Variants in PLPPR1 observed in about 807,000 individuals in gnomAD.
PLPPR1 encodes the protein phospholipid phosphatase related 1.
In PLPPR1, 10 loss-of-function variants were observed where a neutral mutation model predicts 33.1. The observed-to-expected ratio is 0.30, with a 90% confidence interval of 0.19 to 0.51. PLPPR1 has a LOEUF of 0.51. Among genes scored for constraint, PLPPR1 ranks in the 20% least tolerant of loss-of-function variants. The pLI, the probability that PLPPR1 is intolerant of heterozygous loss-of-function variation, is 0.97. For synonymous variants in PLPPR1, 151 were observed against 151.0 expected, an observed-to-expected ratio of 1.00 and a Z score of 0.00; for missense variants, 304 against 408.1, an observed-to-expected ratio of 0.74 and a Z score of 2.20.
At chr9:101,259,639 G>A (rs1827861244) in intron 2 of PLPPR1, among the ~76,000 whole-genome samples, 2 of 152,150 alleles carry the variant, frequency 1.3e-5, no homozygotes, top group East Asian at 3.9e-4. Context: ...CTATGATATA[G>A]CCTGAGGAGG....
chr9:101,187,751 G>A (rs1826228277), intron 2 of PLPPR1: 1 of 151,764 alleles, frequency 6.6e-6, no homozygotes, highest in Non-Finnish European at 1.5e-5. Context: ...AATTATGAAA[G>A]AATTTAATCA....
At chr9:101,250,876 A>T (rs1337914405) in intron 2 of PLPPR1, among the ~76,000 whole-genome samples, 1 of 151,990 alleles carries the variant, frequency 6.6e-6, no homozygotes, top group Non-Finnish European at 1.5e-5. Flanking sequence ...CACCTCCCCT[A>T]TTCTTTGGAG....
chr9:101,310,103 T>C (rs753873216), intron 5 of PLPPR1, among the ~76,000 whole-genome samples: 1 of 152,194 alleles, frequency 6.6e-6, no homozygotes, highest in Admixed American at 6.5e-5. Context: ...CTTTTTGTTC[T>C]AGTAACAGAA....
intron 1 of PLPPR1, among the ~76,000 whole-genome samples, chr9:101,085,064 A>G (rs973752890): frequency 6.6e-6 from 1 of 152,202 alleles, no homozygotes; most frequent in Non-Finnish European, 1.5e-5. Flanking sequence ...AATAAAACAC[A>G]GTTTCTGTAC....
chr9:101,197,137 C>G (rs146505343), intron 2 of PLPPR1, among the ~76,000 whole-genome samples: 239 of 152,282 alleles, frequency 1.6e-3, no homozygotes, highest in African/African-American at 5.5e-3. Flanking sequence ...GAAGCAGTCT[C>G]TTGCCTTGTT....
intron 1 of PLPPR1, among the ~76,000 whole-genome samples, chr9:101,167,667 T>C (rs546364042): frequency 6.6e-6 from 1 of 152,202 alleles, no homozygotes; most frequent in East Asian, 1.9e-4. Context: ...AAGGGCACTT[T>C]GGTCCCTCTG....
intron 1 of PLPPR1, among the ~76,000 whole-genome samples, chr9:101,053,009 A>G (rs1214684120): frequency 6.6e-6 from 1 of 152,218 alleles, no homozygotes; most frequent in Non-Finnish European, 1.5e-5. Flanking sequence ...GTAAAAGGAC[A>G]GGGCGGAGGC....
At chr9:101,166,768 A>G (rs1161645748) in intron 1 of PLPPR1, among the ~76,000 whole-genome samples, 1 of 152,114 alleles carries the variant, frequency 6.6e-6, no homozygotes, top group Non-Finnish European at 1.5e-5. Flanking sequence ...ATGAGCAAAA[A>G]TTTCAGATCA....
intron 2 of PLPPR1, among the ~76,000 whole-genome samples, chr9:101,254,182 T>C (rs1055240308): frequency 6.6e-6 from 1 of 151,584 alleles, no homozygotes; most frequent in African/African-American, 2.4e-5. Flanking sequence ...TATTAAAATA[T>C]AACATATAAT....
chr9:101,214,129 G>A (rs1385401683), intron 2 of PLPPR1, among the ~76,000 whole-genome samples: 3 of 152,168 alleles, frequency 2.0e-5, no homozygotes, highest in African/African-American at 7.2e-5. Flanking sequence ...AGGGAGCTTA[G>A]GGATTGCTAT....
intron 1 of PLPPR1, among the ~76,000 whole-genome samples, chr9:101,121,215 T>A (rs1831175198): frequency 6.6e-6 from 1 of 152,214 alleles, no homozygotes. Flanking sequence ...AATATCTAAC[T>A]TCTTTTTATC....
At chr9:101,158,497 A>G (rs1354111815) in intron 1 of PLPPR1, among the ~76,000 whole-genome samples, 1 of 152,168 alleles carries the variant, frequency 6.6e-6, no homozygotes, top group Non-Finnish European at 1.5e-5. Context: ...AAGCCGAGGA[A>G]ATATCAGTAG....
At chr9:101,148,632 AT>A (rs1285724644) in intron 1 of PLPPR1, among the ~76,000 whole-genome samples, 1 of 151,996 alleles carries the variant, frequency 6.6e-6, no homozygotes, top group Admixed American at 6.6e-5. Flanking sequence ...CCTCTTAAAG[AT>A]TTTTTGCCAG....
chr9:101,184,527 A>G (rs1272083604), intron 1 of PLPPR1, among the ~76,000 whole-genome samples: 2 of 151,954 alleles, frequency 1.3e-5, no homozygotes, highest in African/African-American at 4.8e-5. Flanking sequence ...TGACAGAGAA[A>G]CAGAACAAAT....
At chr9:101,289,831 T>A (rs1828461731) in intron 4 of PLPPR1, among the ~76,000 whole-genome samples, 1 of 152,226 alleles carries the variant, frequency 6.6e-6, no homozygotes. Context: ...TTAGGGTGAA[T>A]GAAAAGCAAA....
intron 1 of PLPPR1, among the ~76,000 whole-genome samples, chr9:101,170,921 C>G (rs1055488573): frequency 3.3e-5 from 5 of 152,002 alleles, no homozygotes; most frequent in Non-Finnish European, 7.4e-5. Context: ...GCCTGGGTGA[C>G]AGAACAAGAT....
intron 1 of PLPPR1, among the ~76,000 whole-genome samples, chr9:101,078,185 G>GAAGAAGAAGA (rs1564138291): frequency 8.6e-5 from 2 of 23,192 alleles, no homozygotes; most frequent in East Asian, 5.0e-3. Context: ...AGAAGAAGAA[G>GAAGAAGAAGA]AGGAGGGGGG....
chr9:101,111,501 A>T (rs1252244504), intron 1 of PLPPR1, among the ~76,000 whole-genome samples: 3 of 152,164 alleles, frequency 2.0e-5, no homozygotes, highest in Non-Finnish European at 4.4e-5. Flanking sequence ...GTATGGTGAA[A>T]TATTTGGGGG....
intron 2 of PLPPR1, among the ~76,000 whole-genome samples, chr9:101,224,161 G>A (rs373738549): frequency 6.6e-6 from 1 of 152,124 alleles, no homozygotes; most frequent in Non-Finnish European, 1.5e-5. Flanking sequence ...AATTGGCAAT[G>A]TAAGAAGCTG....
Sources: allele counts gnomAD v4.1 joint callset (sites outside exome capture counted in the v4.1 genomes callset), GRCh38; gene constraint gnomAD v4.1.1; transcripts MANE v1.5; gene names NCBI Gene and HGNC (gene_info 2026-07-23, HGNC 2026-07-21).